Variants in CHRNB3 observed in about 807,000 individuals in gnomAD.
CHRNB3 encodes the protein cholinergic receptor nicotinic beta 3 subunit.
CHRNB3 carries 37 observed loss-of-function variants against 40.6 expected under a neutral mutation model. The ratio of observed to expected loss-of-function variants is 0.91; its 90% confidence interval spans 0.70 to 1.20. The LOEUF is 1.20. Among genes scored for constraint, CHRNB3 ranks in the 50% most tolerant of loss-of-function variants. CHRNB3 has a pLI of 0.00. For missense variants in CHRNB3, 505 were observed against 551.2 expected (o/e 0.92, Z 0.84); for synonymous variants, 207 against 207.1 (o/e 1.00, Z 0.00).
At chr8:42,707,833 G>A (rs1056630917) in intron 1 of CHRNB3, among the ~76,000 whole-genome samples, 6 of 152,330 alleles carry the variant, frequency 3.9e-5, no homozygotes, top group East Asian at 1.9e-4. Flanking sequence ...ACCATGTGCC[G>A]ACTCTGACAT....
intron 1 of CHRNB3, among the ~76,000 whole-genome samples, chr8:42,707,387 T>C (rs1488495354): frequency 6.6e-6 from 1 of 152,178 alleles, no homozygotes; most frequent in Non-Finnish European, 1.5e-5. Flanking sequence ...AGAAAAAGGT[T>C]TTCTATGGTC....
At chr8:42,709,000 C>T in intron 2 of CHRNB3, 132 bp downstream of exon 2, 1 of 979,716 alleles carries the variant, frequency 1.0e-6, no homozygotes, top group Non-Finnish European at 1.4e-6. Context: ...AAAATCTGCC[C>T]CCAAGAAGCC....
chr8:42,707,330 A>G (rs187165743), intron 1 of CHRNB3, among the ~76,000 whole-genome samples: 5 of 152,350 alleles, frequency 3.3e-5, no homozygotes, highest in Non-Finnish European at 7.3e-5. Context: ...CCTGGAGGGT[A>G]TGTCTCTCAT....
intron 1 of CHRNB3, among the ~76,000 whole-genome samples, chr8:42,704,679 GGTGTGT>G (rs146719499): frequency 6.7e-6 from 1 of 148,306 alleles, no homozygotes; most frequent in South Asian, 2.1e-4. Context: ...TGAGCTAATA[GGTGTGT>G]GTGTGTGTGT....
intron 3 of CHRNB3, among the ~76,000 whole-genome samples, chr8:42,721,462 A>G (rs1258694131): frequency 6.6e-6 from 1 of 152,008 alleles, no homozygotes; most frequent in Non-Finnish European, 1.5e-5. Flanking sequence ...AGTGGCTCAC[A>G]CCTGTAATCT....
intron 1 of CHRNB3, among the ~76,000 whole-genome samples, chr8:42,708,320 G>T (rs995354246): frequency 6.6e-6 from 1 of 152,116 alleles, no homozygotes; most frequent in African/African-American, 2.4e-5. Context: ...CAAAAAATTA[G>T]CCGGGTGTGG....
chr8:42,709,133 C>T (rs73633731), intron 2 of CHRNB3, among the ~76,000 whole-genome samples: 2,554 of 152,144 alleles, frequency 0.017, 75 homozygotes, highest in African/African-American at 0.059. Context: ...TTGCTCCTGG[C>T]CCCGGTTTGC....
chr8:42,707,598 G>C (rs1442439343), intron 1 of CHRNB3, among the ~76,000 whole-genome samples: 1 of 152,110 alleles, frequency 6.6e-6, no homozygotes, highest in East Asian at 1.9e-4. Context: ...GTGATAGCAC[G>C]GCATTGTAAG....
At chr8:42,729,130 G>A (rs531599941) in intron 3 of CHRNB3, among the ~76,000 whole-genome samples, 3 of 151,942 alleles carry the variant, frequency 2.0e-5, no homozygotes, top group Admixed American at 6.6e-5. Context: ...GCCATTGGCC[G>A]GGCACGGTGG....
intron 3 of CHRNB3, among the ~76,000 whole-genome samples, chr8:42,714,678 T>C (rs530558384): frequency 6.6e-6 from 1 of 152,196 alleles, no homozygotes; most frequent in African/African-American, 2.4e-5. Context: ...GAGTACTTAT[T>C]AAGTGCCCAG....
At chr8:42,730,367 T>C (rs1029784461) in intron 3 of CHRNB3, among the ~76,000 whole-genome samples, 1 of 152,200 alleles carries the variant, frequency 6.6e-6, no homozygotes, top group Non-Finnish European at 1.5e-5. Context: ...ACAGTAATTT[T>C]GGAAATATGT....
intron 4 of CHRNB3, among the ~76,000 whole-genome samples, chr8:42,731,062 AAAT>A (rs1180336699): frequency 0.017 from 13 of 764 alleles, 1 homozygote; most frequent in South Asian, 0.17. Context: ...CTCAAAAAAT[AAAT>A]AAATAAATAA....
At chr8:42,709,251 G>T (rs1177267160) in intron 2 of CHRNB3, among the ~76,000 whole-genome samples, 4 of 152,096 alleles carry the variant, frequency 2.6e-5, no homozygotes, top group Non-Finnish European at 5.9e-5. Flanking sequence ...GCTGGTAGGG[G>T]GCTCTGCAGG....
intron 1 of CHRNB3, among the ~76,000 whole-genome samples, chr8:42,707,989 A>C (rs571322658): frequency 9.9e-5 from 15 of 152,244 alleles, no homozygotes; most frequent in Non-Finnish European, 1.8e-4. Context: ...AGAGACTTCC[A>C]AAGGGAGATG....
intron 4 of CHRNB3, 57 bp from the exon 5 acceptor site, chr8:42,731,610 G>T: frequency 1.3e-6 from 2 of 1,506,460 alleles, no homozygotes; most frequent in African/African-American, 1.4e-5. Context: ...CTGGGAAAAA[G>T]AACAAAAACT....
intron 5 of CHRNB3, among the ~76,000 whole-genome samples, chr8:42,735,092 C>T (rs570247166): frequency 4.3e-3 from 646 of 151,794 alleles, no homozygotes; most frequent in Non-Finnish European, 7.4e-3. Context: ...TGGTGGCCGG[C>T]GCCTGTAGTC....
chr8:42,730,008 T>A (rs1207749192), intron 3 of CHRNB3, among the ~76,000 whole-genome samples: 1 of 152,194 alleles, frequency 6.6e-6, no homozygotes, highest in Non-Finnish European at 1.5e-5. Flanking sequence ...TTTAAAATTA[T>A]AATTGGGAGC....
At chr8:42,706,366 C>G (rs567738412) in intron 1 of CHRNB3, among the ~76,000 whole-genome samples, 1 of 152,194 alleles carries the variant, frequency 6.6e-6, no homozygotes, top group South Asian at 2.1e-4. Context: ...GGGAAACCAT[C>G]TGGAGCGCTT....
intron 3 of CHRNB3, among the ~76,000 whole-genome samples, 155 bp downstream of exon 3, chr8:42,710,589 T>C (rs551540341): frequency 6.6e-6 from 1 of 152,076 alleles, no homozygotes; most frequent in South Asian, 2.1e-4. Flanking sequence ...CTGTTGTGAG[T>C]GTTGGGGAGC....
Sources: allele counts gnomAD v4.1 joint callset (sites outside exome capture counted in the v4.1 genomes callset), GRCh38; gene constraint gnomAD v4.1.1; transcripts MANE v1.5; gene names NCBI Gene and HGNC (gene_info 2026-07-23, HGNC 2026-07-21).